The following ZFAT variants were observed in gnomAD, a reference collection of about 807,000 sequenced individuals.
ZFAT encodes zinc finger and AT-hook domain containing, also known as zinc finger protein ZFAT.
A neutral mutation model predicts 117.7 loss-of-function variants in ZFAT; 64 were observed. That is an observed-to-expected ratio of 0.54 (90% CI 0.44 to 0.67). ZFAT has a LOEUF of 0.67. ZFAT is among the 30% of genes least tolerant of loss of function. The probability of loss-of-function intolerance (pLI) is 0.00; values close to 1 mark genes in which losing one functional copy is unlikely to be tolerated. For synonymous variants in ZFAT, 679 were observed against 615.0 expected (o/e 1.10, Z -1.54); for missense variants, 1,433 against 1,584.5 (o/e 0.90, Z 1.62).
chr8:134,708,555 C>A (rs1362837573), intron 1 of ZFAT, among the ~76,000 whole-genome samples: 1 of 151,736 alleles, frequency 6.6e-6, no homozygotes, highest in Non-Finnish European at 1.5e-5. Flanking sequence ...ACTCAATCAT[C>A]TATATATTTT....
At chr8:134,661,214 G>C (rs949810684) in intron 1 of ZFAT, among the ~76,000 whole-genome samples, 3 of 152,252 alleles carry the variant, frequency 2.0e-5, no homozygotes, top group African/African-American at 7.2e-5. Flanking sequence ...AGACATGCAG[G>C]CTCAGGGAGG....
chr8:134,684,164 G>A (rs1034763362), intron 1 of ZFAT, among the ~76,000 whole-genome samples: 2 of 151,986 alleles, frequency 1.3e-5, no homozygotes, highest in African/African-American at 4.8e-5. Context: ...AGGGACAGAG[G>A]AGACGACCCA....
intron 15 of ZFAT, among the ~76,000 whole-genome samples, chr8:134,484,428 T>A (rs1415886302): frequency 6.6e-6 from 1 of 152,208 alleles, no homozygotes; most frequent in Non-Finnish European, 1.5e-5. Flanking sequence ...CTGCCTGCCC[T>A]TGGTTCAAAC....
the ZFAT span, among the ~76,000 whole-genome samples, chr8:134,762,185 A>G: frequency 2.6e-5 from 4 of 152,380 alleles, no homozygotes; most frequent in African/African-American, 9.6e-5. Context: ...ATGTACAGCA[A>G]GGACCCAAAT....
intron 7 of ZFAT, 159 bp downstream of exon 7, chr8:134,600,277 C>T: frequency 1.4e-6 from 1 of 709,810 alleles, no homozygotes; most frequent in Non-Finnish European, 2.5e-6. Flanking sequence ...GTGAAAGGAA[C>T]CTGGGAAGCC....
At chr8:134,539,218 G>A (rs1261083829) in intron 11 of ZFAT, among the ~76,000 whole-genome samples, 2 of 152,222 alleles carry the variant, frequency 1.3e-5, no homozygotes, top group African/African-American at 4.8e-5. Context: ...AAGCAGATGG[G>A]AAGCTGGTGA....
the ZFAT span, chr8:134,794,548 T>G: frequency 6.6e-6 from 1 of 152,256 alleles, no homozygotes; most frequent in Non-Finnish European, 1.5e-5. Context: ...CTCTGATTAG[T>G]GTTTTCTAAT....
the ZFAT span, among the ~76,000 whole-genome samples, chr8:134,747,581 C>T: frequency 6.6e-6 from 1 of 152,202 alleles, no homozygotes; most frequent in Non-Finnish European, 1.5e-5. Flanking sequence ...ATTTATTACT[C>T]ACATCCCTCC....
intron 1 of ZFAT, among the ~76,000 whole-genome samples, chr8:134,707,948 G>A (rs1446194306): frequency 2.0e-5 from 3 of 152,186 alleles, no homozygotes; most frequent in Non-Finnish European, 2.9e-5. Context: ...GGCCTCAGTG[G>A]CCAACAACAC....
chr8:134,772,879 C>T, the ZFAT span, among the ~76,000 whole-genome samples: 1 of 151,724 alleles, frequency 6.6e-6, no homozygotes, highest in African/African-American at 2.4e-5. Flanking sequence ...TGTGTGAGAC[C>T]TCACCTCTAC....
chr8:134,670,652 G>A (rs201921416), intron 1 of ZFAT, among the ~76,000 whole-genome samples: 1 of 152,174 alleles, frequency 6.6e-6, no homozygotes, highest in African/African-American at 2.4e-5. Flanking sequence ...AGAAAGCAGG[G>A]AAGAACTAAA....
chr8:134,832,076 C>T, the ZFAT span, among the ~76,000 whole-genome samples: 2 of 143,782 alleles, frequency 1.4e-5, no homozygotes, highest in Non-Finnish European at 3.1e-5. Flanking sequence ...GCCCGAGGCG[C>T]GCCTGGAGCG....
chr8:134,481,322 C>A (rs1817288989), intron 15 of ZFAT, among the ~76,000 whole-genome samples: 1 of 152,178 alleles, frequency 6.6e-6, no homozygotes, highest in African/African-American at 2.4e-5. Context: ...ACTCCCAGGT[C>A]CCCAGGGCTT....
chr8:134,655,172 G>A (rs1024029615), intron 2 of ZFAT, among the ~76,000 whole-genome samples: 5 of 152,162 alleles, frequency 3.3e-5, no homozygotes, highest in Non-Finnish European at 5.9e-5. Context: ...ACGGTTGAGA[G>A]GGAGGTGAAT....
At chr8:134,722,757 G>A in the ZFAT span, among the ~76,000 whole-genome samples, 1 of 152,088 alleles carries the variant, frequency 6.6e-6, no homozygotes, top group African/African-American at 2.4e-5. Flanking sequence ...GACCTTGAGG[G>A]GCTTACAACG....
the ZFAT span, among the ~76,000 whole-genome samples, chr8:134,772,629 G>C: frequency 6.6e-6 from 1 of 152,222 alleles, no homozygotes; most frequent in Non-Finnish European, 1.5e-5. Context: ...TGATTAAGAA[G>C]CTGCAGCAAG....
At chr8:134,487,410 G>C (rs952746341) in intron 15 of ZFAT, among the ~76,000 whole-genome samples, 1 of 152,138 alleles carries the variant, frequency 6.6e-6, no homozygotes, top group African/African-American at 2.4e-5. Context: ...AGGGTGAGGG[G>C]ATTCCCATCG....
intron 1 of ZFAT, among the ~76,000 whole-genome samples, chr8:134,680,308 G>T (rs904245533): frequency 6.6e-6 from 1 of 151,670 alleles, no homozygotes; most frequent in African/African-American, 2.4e-5. Context: ...CACTTGTGGG[G>T]AAAGAATGTA....
At chr8:134,712,746 G>A (rs1353708186) in intron 1 of ZFAT, 99 bp downstream of exon 1, 88 of 1,219,142 alleles carry the variant, frequency 7.2e-5, no homozygotes, top group African/African-American at 2.0e-4. Flanking sequence ...GCCGGCGGCC[G>A]GCGCACTGCT....
Sources: allele counts gnomAD v4.1 joint callset (sites outside exome capture counted in the v4.1 genomes callset), GRCh38; gene constraint gnomAD v4.1.1; transcripts MANE v1.5; gene names NCBI Gene and HGNC (gene_info 2026-07-23, HGNC 2026-07-21).